RASGEF1C: variants seen among roughly 807,000 people sequenced by gnomAD.
RASGEF1C encodes the protein RasGEF domain family member 1C.
Under a neutral mutation model 58.1 loss-of-function variants are expected in RASGEF1C, and 27 were observed. The ratio of observed to expected loss-of-function variants is 0.46; its 90% CI spans 0.34 to 0.64. RASGEF1C has a LOEUF of 0.64. RASGEF1C is among the 30% of genes least tolerant of loss of function. The pLI is 0.01. For synonymous variants in RASGEF1C, 243 were observed against 246.3 expected (o/e 0.99, Z 0.13); for missense variants, 502 against 605.1 (o/e 0.83, Z 1.79).
chr5:180,174,491 C>CGT (rs34690675), intron 1 of RASGEF1C, among the ~76,000 whole-genome samples: 74,918 of 142,004 alleles, frequency 0.53, 19,165 homozygotes, highest in East Asian at 0.63. Flanking sequence ...TGTGTGTGCG[C>CGT]GTGTGTGTCT....
chr5:180,184,073 A>G (rs1371379472), intron 1 of RASGEF1C, among the ~76,000 whole-genome samples: 2 of 151,926 alleles, frequency 1.3e-5, no homozygotes, highest in Non-Finnish European at 2.9e-5. Flanking sequence ...CTGAGGCACA[A>G]GAATCACTTG....
At chr5:180,107,726 A>G (rs1765894052) in intron 12 of RASGEF1C, among the ~76,000 whole-genome samples, 1 of 152,146 alleles carries the variant, frequency 6.6e-6, no homozygotes, top group Non-Finnish European at 1.5e-5. Context: ...CTTGTGCCTC[A>G]GCCACCCAAG....
chr5:180,119,324 C>T (rs1189169575), intron 8 of RASGEF1C, 22 bp downstream of exon 8: 2 of 1,598,406 alleles, frequency 1.3e-6, no homozygotes, highest in South Asian at 1.1e-5. Flanking sequence ...CTGGGGGCCA[C>T]AGGCCAGGCC....
At position 180,113,116 on chromosome 5, in the gene RASGEF1C, G is replaced by A. The variant is rs184095908; in HGVS notation, c.1179+1330C>T. On this transcript the variant is annotated intron_variant, in intron 11 of 13. Coordinates refer to ENST00000361132, the MANE Select transcript of RASGEF1C (RefSeq NM_175062.4). ...GGGACTGGGGATGGACGGAGGGACC[G>A]GGGATGGACGGAGGGATCGAGGATG... 4.2e-3 allele frequency among the ~76,000 whole-genome samples: 541 copies of A among 127,862 alleles called. 115 individuals carry two copies. The highest frequency in any genetic ancestry group is 0.016 in the African/African-American group (503 of 31,118). The allele number at this position is 127,862 out of a possible 152,430, so 83.9% of individuals were successfully genotyped here.
At chr5:180,172,588 C>T (rs1419009074) in intron 1 of RASGEF1C, among the ~76,000 whole-genome samples, 1 of 152,196 alleles carries the variant, frequency 6.6e-6, no homozygotes, top group Non-Finnish European at 1.5e-5. Context: ...TCTGCCAGGG[C>T]CTTCCAGCCC....
chr5:180,102,705 G>A (rs991644767), intron 12 of RASGEF1C, among the ~76,000 whole-genome samples: 24 of 150,920 alleles, frequency 1.6e-4, no homozygotes, highest in Admixed American at 1.1e-3. Flanking sequence ...AAAATCACCT[G>A]GTATATTTGC....
chr5:180,177,723 G>A lies in RASGEF1C; in HGVS notation c.-7+31305C>T, dbSNP rs1213621733. Among the ~76,000 whole-genome samples the A allele has an allele frequency of 9.2e-5, 14 of 152,334 alleles. No individual in the cohort carries two copies. The highest frequency in any genetic ancestry group is 4.4e-5 in the Non-Finnish European group (3 of 68,032). On this transcript the variant is annotated intron_variant, in intron 1 of 13. Coordinates refer to ENST00000361132, the MANE Select transcript of RASGEF1C (RefSeq NM_175062.4). This position sits in a 1 kb window ranked among gnomAD's most constrained non-coding sequence, Gnocchi z 5.0. ...AGTGCCTTTCATCTCCCTGGCCTCTGGGATAAATCCATGGGCAGGCATGTC... is the reference window on the plus strand; with the variant it reads ...AGTGCCTTTCATCTCCCTGGCCTCTAGGATAAATCCATGGGCAGGCATGTC...
chr5:180,186,336 C>T (rs1223899362), intron 1 of RASGEF1C, among the ~76,000 whole-genome samples: 2 of 152,054 alleles, frequency 1.3e-5, no homozygotes, highest in East Asian at 1.9e-4. Flanking sequence ...AGCAAAGTTG[C>T]AGGATACAAG....
At chr5:180,153,906 T>C (rs1766807982) in intron 1 of RASGEF1C, among the ~76,000 whole-genome samples, 1 of 152,184 alleles carries the variant, frequency 6.6e-6, no homozygotes, top group Non-Finnish European at 1.5e-5. Flanking sequence ...TCTGGGGTGA[T>C]GTTCCCAGTC....
intron 1 of RASGEF1C, among the ~76,000 whole-genome samples, chr5:180,192,427 T>C (rs1279231764): frequency 3.9e-5 from 6 of 152,326 alleles, no homozygotes; most frequent in Admixed American, 3.3e-4. Flanking sequence ...TGACACATGT[T>C]GTGTTTACTG....
Position 180,173,724 on chromosome 5 carries a change from C to T in RASGEF1C, c.-7+35304G>A, listed in dbSNP as rs550745719. On this transcript the variant is annotated intron_variant, in intron 1 of 13. Transcript: ENST00000361132. ...GGTCAGGAGTTTGAGACCAGCCTGG[C>T]CAACATGGTGAAACCCCGTCTCTAC... Among the ~76,000 whole-genome samples the T allele has an allele frequency of 4.6e-5, 7 of 152,128 alleles. No homozygotes were observed. The East Asian group carries it at 7.7e-4, about 17-fold the overall frequency.
chr5:180,140,478 C>T (rs1257465188), intron 1 of RASGEF1C, among the ~76,000 whole-genome samples: 2 of 152,302 alleles, frequency 1.3e-5, no homozygotes, highest in East Asian at 1.9e-4. Context: ...GACTGCCCCA[C>T]GGGAGGCGTG....
In RASGEF1C at chr5:180,197,702, A is replaced by G. The variant is rs79917833; in HGVS notation, c.-7+11326T>C. 0.12 allele frequency among the ~76,000 whole-genome samples: 17,872 copies of G among 152,256 alleles called. 1,205 individuals are homozygous for G. Among genetic ancestry groups the G allele is most frequent in the East Asian group, 0.21 (1,093 of 5,172 alleles). Reference sequence around the variant, plus strand: ...TGCTGTGGGAATTACCTGAGGCCACAGGGACTCAGCCAATGGCACTGTGCA... The same window carrying G: ...TGCTGTGGGAATTACCTGAGGCCACGGGGACTCAGCCAATGGCACTGTGCA... On this transcript the variant is annotated intron_variant, in intron 1 of 13. Coordinates refer to ENST00000361132, the MANE Select transcript of RASGEF1C (RefSeq NM_175062.4). This position sits in a 1 kb window ranked among gnomAD's most constrained non-coding sequence, Gnocchi z 4.7.
intron 1 of RASGEF1C, among the ~76,000 whole-genome samples, chr5:180,191,363 A>AT (rs35378832): frequency 1.5e-3 from 229 of 150,774 alleles, no homozygotes; most frequent in African/African-American, 5.0e-3. Flanking sequence ...TTATTTACTT[A>AT]TTTTTTTTTT....
chr5:180,108,881 G>C (rs1323371915), intron 12 of RASGEF1C, among the ~76,000 whole-genome samples: 4 of 152,130 alleles, frequency 2.6e-5, no homozygotes, highest in African/African-American at 9.7e-5. Context: ...TTTTGGGGTT[G>C]TGGGAGGGAC....
rs1756298820 is a variant in RASGEF1C at position 180,197,406 on chromosome 5, C to G, written c.-7+11622G>C. Among the ~76,000 whole-genome samples, 1 of 152,338 alleles carries G rather than the reference C, an allele frequency of 6.6e-6. No homozygotes were observed. Among genetic ancestry groups the G allele is most frequent in the African/African-American group, 2.4e-5 (1 of 41,584 alleles). On this transcript the variant is annotated intron_variant, in intron 1 of 13. Transcript: ENST00000361132. This position sits in a 1 kb window ranked among gnomAD's most constrained non-coding sequence, Gnocchi z 4.7. ...CCTGGGGGTTAACAGAGAGGCACTCCTGGCTGAGCCTAGCTCAGGCCTGAA... is the reference window on the plus strand; with the variant it reads ...CCTGGGGGTTAACAGAGAGGCACTCGTGGCTGAGCCTAGCTCAGGCCTGAA...
chr5:180,146,431 C>A (rs1766662034), intron 1 of RASGEF1C, among the ~76,000 whole-genome samples: 1 of 152,132 alleles, frequency 6.6e-6, no homozygotes, highest in African/African-American at 2.4e-5. Flanking sequence ...AGCCACTGTG[C>A]TTGGCCAGCT....
chr5:180,125,166 AAAAC>A (rs1314820249), intron 6 of RASGEF1C, among the ~76,000 whole-genome samples: 3 of 152,224 alleles, frequency 2.0e-5, no homozygotes, highest in Non-Finnish European at 2.9e-5. Flanking sequence ...CAAAAAACCC[AAAAC>A]AAACAAAAGA....
At chr5:180,200,049 A>C (rs1052935675) in intron 1 of RASGEF1C, among the ~76,000 whole-genome samples, 3 of 152,002 alleles carry the variant, frequency 2.0e-5, no homozygotes, top group African/African-American at 7.2e-5. Context: ...ATCACAAGGT[A>C]AGGAGTTCAA....
Sources: gnomAD v4.1 joint callset for allele counts (sites outside exome capture counted in the v4.1 genomes callset) on GRCh38, gnomAD v4.1.1 for gene constraint, Gnocchi (gnomAD v3.1) non-coding constraint, MANE v1.5 for transcripts, NCBI Gene and HGNC (gene_info 2026-07-23, HGNC 2026-07-21) for gene names.